The following AK9 variants were observed in gnomAD, a reference collection of about 807,000 sequenced individuals.
AK9 encodes the protein adenylate kinase domain containing 1.
A neutral mutation model predicts 239.6 loss-of-function variants in AK9; 191 were observed. The observed-to-expected ratio is 0.80, with a 90% CI of 0.71 to 0.90. The LOEUF (loss-of-function observed/expected upper bound fraction) is 0.90. AK9 is among the 40% of genes least tolerant of loss of function. The probability of loss-of-function intolerance (pLI) is 0.00; values close to 1 mark genes in which losing one functional copy is unlikely to be tolerated. For synonymous variants in AK9, 689 were observed against 721.0 expected, an observed-to-expected ratio of 0.96 and a Z score of 0.71; for missense variants, 1,995 against 2,214.7, an observed-to-expected ratio of 0.90 and a Z score of 1.99.
chr6:109,562,488 C>T lies in AK9; in HGVS notation c.2751+1109G>A, dbSNP rs566387572. 3.9e-5 allele frequency among the ~76,000 whole-genome samples: 6 copies of T among 152,298 alleles called. No homozygotes were observed. In the South Asian group the frequency reaches 1.0e-3, roughly 26 times the overall value. On this transcript the variant is annotated intron_variant, in intron 24 of 40. Transcript: ENST00000424296. ...TCCATTTCAGTTGATTACTTTTTCTCCTCATTGTGAGTCATATTTTTCTGC... is the reference window on the plus strand; with the variant it reads ...TCCATTTCAGTTGATTACTTTTTCTTCTCATTGTGAGTCATATTTTTCTGC...
intron 17 of AK9, among the ~76,000 whole-genome samples, chr6:109,600,078 C>T (rs1221826183): frequency 6.6e-6 from 1 of 152,072 alleles, no homozygotes; most frequent in Admixed American, 6.6e-5. Flanking sequence ...TTTCTTTCTC[C>T]TGCCTGATTG....
At chr6:109,657,591 G>A (rs1367310865) in intron 7 of AK9, among the ~76,000 whole-genome samples, 2 of 150,312 alleles carry the variant, frequency 1.3e-5, no homozygotes, top group Admixed American at 1.3e-4. Flanking sequence ...GGGTATGTGT[G>A]CACAACATGC....
chr6:109,497,744 C>T (rs1777222728), intron 37 of AK9, 52 bp downstream of exon 37: 3 of 1,572,910 alleles, frequency 1.9e-6, no homozygotes, highest in African/African-American at 1.4e-5. Context: ...ACATGAACCA[C>T]TTCTTTGGCG....
intron 24 of AK9, among the ~76,000 whole-genome samples, chr6:109,551,770 C>CAAAAAA (rs141456654): frequency 7.4e-6 from 1 of 135,044 alleles, no homozygotes; most frequent in Non-Finnish European, 1.6e-5. Context: ...TTATTTCTTC[C>CAAAAAA]AAAAAAAAAA....
intron 17 of AK9, among the ~76,000 whole-genome samples, chr6:109,603,722 A>C (rs967578115): frequency 6.6e-6 from 1 of 152,146 alleles, no homozygotes; most frequent in Non-Finnish European, 1.5e-5. Context: ...GGATCCACCC[A>C]GTTCGAGCTT....
At chr6:109,591,833 G>A (rs1217079086) in intron 17 of AK9, among the ~76,000 whole-genome samples, 2 of 145,206 alleles carry the variant, frequency 1.4e-5, no homozygotes, top group Non-Finnish European at 3.0e-5. Context: ...TTCTTGCCTG[G>A]CATTTTTTAA....
At chr6:109,599,800 A>T (rs1252080224) in intron 17 of AK9, among the ~76,000 whole-genome samples, 1 of 152,080 alleles carries the variant, frequency 6.6e-6, no homozygotes, top group Non-Finnish European at 1.5e-5. Flanking sequence ...CATACCTTGT[A>T]AGTTGGATTC....
In AK9 at chr6:109,497,555, G is replaced by T; in HGVS notation, c.5225C>A (p.Ala1742Asp). Residue 1742 changes from alanine to aspartate, a missense_variant, in exon 38 of 41, where the codon GCT becomes GAT. Transcript: ENST00000424296. ...ATAGTTAATGCTACCAGGTACTAGA[G>T]CTTCATATCTGGAAGACCAAAAAAC... ...TYKDGNQRYE[A>D]LVPGSINYAL... 1 of 1,596,644 alleles carries T rather than the reference G, an allele frequency of 6.3e-7. No homozygotes were observed. Among genetic ancestry groups the T allele is most frequent in the Non-Finnish European group, 8.6e-7 (1 of 1,167,126 alleles).
intron 13 of AK9, 91 bp downstream of exon 13, chr6:109,619,001 C>A: frequency 7.3e-7 from 1 of 1,372,730 alleles, no homozygotes; most frequent in South Asian, 1.5e-5. Context: ...GCCAAGAATG[C>A]CAAGATGAGC....
intron 8 of AK9, among the ~76,000 whole-genome samples, chr6:109,653,361 A>G (rs777265974): frequency 4.6e-5 from 7 of 152,158 alleles, no homozygotes; most frequent in Non-Finnish European, 1.0e-4. Flanking sequence ...TTAGCTTTTA[A>G]ATTTCTGCCA....
intron 10 of AK9, among the ~76,000 whole-genome samples, chr6:109,640,059 T>C (rs771554759): frequency 1.8e-4 from 27 of 152,194 alleles, no homozygotes; most frequent in Non-Finnish European, 1.0e-4. Context: ...AGCCTTGTAG[T>C]ATAGTTTGAA....
chr6:109,621,984 T>C (rs2128251871), intron 12 of AK9, among the ~76,000 whole-genome samples: 1 of 136,366 alleles, frequency 7.3e-6, no homozygotes, highest in East Asian at 2.1e-4. Flanking sequence ...CTGTCAAAGA[T>C]ATGTTCATAA....
chr6:109,570,098 C>T (rs145856925), intron 21 of AK9, among the ~76,000 whole-genome samples: 3,162 of 152,162 alleles, frequency 0.021, 99 homozygotes, highest in African/African-American at 0.073. Flanking sequence ...TACTATGCAG[C>T]CATTAAAAAG....
chr6:109,647,310 C>A (rs879215891), intron 8 of AK9, among the ~76,000 whole-genome samples: 2 of 152,152 alleles, frequency 1.3e-5, no homozygotes, highest in Non-Finnish European at 2.9e-5. Flanking sequence ...GATAAAGAGT[C>A]AAGACCCATC....
intron 27 of AK9, among the ~76,000 whole-genome samples, chr6:109,541,373 A>G (rs1333943991): frequency 6.6e-6 from 1 of 152,164 alleles, no homozygotes; most frequent in Non-Finnish European, 1.5e-5. Flanking sequence ...AACTTTATGT[A>G]ATAACATTTC....
chr6:109,619,062 T>C (rs1794520353), intron 13 of AK9, 30 bp downstream of exon 13: 1 of 1,524,692 alleles, frequency 6.6e-7, no homozygotes, highest in Non-Finnish European at 8.8e-7. Flanking sequence ...TACCTAAACT[T>C]AAAACACACA....
chr6:109,550,349 T>C, intron 24 of AK9, 47 bp from the exon 25 acceptor site: 1 of 1,515,554 alleles, frequency 6.6e-7, no homozygotes, highest in Non-Finnish European at 8.9e-7. Context: ...TAAAAAAGTA[T>C]TTTGATGCAG....
Position 109,579,581 on chromosome 6 carries a change from C to G in AK9, c.2160G>C (p.Arg720Ser), listed in dbSNP as rs775154259. Residue 720 changes from arginine (R) to serine (S), a missense_variant, in exon 20 of 41, where the codon AGG (arginine) becomes AGC (serine). This residue lies in a region of AK9 where 1,290 missense variants were observed against 1,392.7 expected (regional missense o/e 0.93). Coordinates refer to ENST00000424296, the MANE Select transcript of AK9 (RefSeq NM_001145128.3). The part of the protein sequence containing the change: ...EELRLEEENR[R>S]LLELMKVKAK... The stretch of plus-strand genomic sequence containing the variant: ...CCTTCACTTTCATAAGTTCCAGTAG[C>G]CTTCGATTTTCTTCTTCGAGTCTCA... 111 of 1,551,246 alleles carry G rather than the reference C, an allele frequency of 7.2e-5. No individual in the cohort carries two copies. Among genetic ancestry groups the G allele is most frequent in the Non-Finnish European group, 9.2e-5 (105 of 1,146,784 alleles).
At chr6:109,609,521 C>T (rs747141361) in intron 17 of AK9, among the ~76,000 whole-genome samples, 6 of 152,050 alleles carry the variant, frequency 3.9e-5, no homozygotes, top group African/African-American at 7.3e-5. Context: ...AAGGACTAAA[C>T]GGATGATAGA....
Sources: gnomAD v4.1 joint callset for allele counts (sites outside exome capture counted in the v4.1 genomes callset) on GRCh38, gnomAD v4.1.1 for gene constraint, gnomAD v4.1.1 regional missense constraint, MANE v1.5 for transcripts, NCBI Gene and HGNC (gene_info 2026-07-23, HGNC 2026-07-21) for gene names.